Variants in AK9 observed in about 807,000 individuals in gnomAD.
AK9 encodes the protein adenylate kinase 9.
Under a neutral mutation model 239.6 loss-of-function variants are expected in AK9, and 191 were observed. That is an observed-to-expected ratio of 0.80 (90% confidence interval 0.71 to 0.90). The LOEUF (loss-of-function observed/expected upper bound fraction) is 0.90, where lower values mean the gene tolerates loss of function less well. Ranked by LOEUF, AK9 falls within the 40% of genes least tolerant of loss-of-function variation. AK9 has a pLI of 0.00. For missense variants in AK9, 1,995 were observed against 2,214.7 expected (o/e 0.90, Z 1.99); for synonymous variants, 689 against 721.0 (o/e 0.96, Z 0.71).
chr6:109,648,556 C>G (rs1798424456), intron 8 of AK9, among the ~76,000 whole-genome samples: 1 of 152,196 alleles, frequency 6.6e-6, no homozygotes, highest in South Asian at 2.1e-4. Flanking sequence ...AGTTGAATCT[C>G]TGAATAGACC....
At chr6:109,580,712 T>C (rs1758290975) in intron 19 of AK9, among the ~76,000 whole-genome samples, 1 of 152,132 alleles carries the variant, frequency 6.6e-6, no homozygotes, top group Admixed American at 6.5e-5. Context: ...CTCACTGCAT[T>C]CCAAATCCTG....
intron 10 of AK9, among the ~76,000 whole-genome samples, chr6:109,639,125 T>A (rs750387902): frequency 9.2e-5 from 14 of 152,226 alleles, no homozygotes; most frequent in Non-Finnish European, 1.9e-4. Context: ...CGTGCATGTG[T>A]CCTTATAGTA....
At chr6:109,538,894 G>A (rs886150683) in intron 27 of AK9, among the ~76,000 whole-genome samples, 1 of 152,130 alleles carries the variant, frequency 6.6e-6, no homozygotes, top group African/African-American at 2.4e-5. Flanking sequence ...GAAATTCTGG[G>A]TTGAAAATTC....
rs59391584 is a variant in AK9 at position 109,637,869 on chromosome 6, A to G, written c.933+3649T>C. Among the ~76,000 whole-genome samples the G allele has an allele frequency of 4.4e-3, 675 of 152,310 alleles. 4 individuals are homozygous for G. The highest frequency in any genetic ancestry group is 0.015 in the African/African-American group (620 of 41,578). On this transcript the variant is annotated intron_variant, in intron 10 of 40. Coordinates refer to ENST00000424296, the MANE Select transcript of AK9 (RefSeq NM_001145128.3). The stretch of plus-strand genomic sequence containing the variant: ...GTTAAAGCAGTGGTTCTCAGACTTA[A>G]GTGGGCATAGGAATTTGTTCTAGAT...
At chr6:109,561,199 G>A (rs956464282) in intron 24 of AK9, among the ~76,000 whole-genome samples, 2 of 152,118 alleles carry the variant, frequency 1.3e-5, no homozygotes, top group Non-Finnish European at 2.9e-5. Context: ...TGATCCGCCT[G>A]CCTCGGCTTC....
chr6:109,654,381 C>T (rs539430417), intron 8 of AK9, among the ~76,000 whole-genome samples: 17 of 151,850 alleles, frequency 1.1e-4, no homozygotes, highest in African/African-American at 3.6e-4. Flanking sequence ...CTCTGTCATC[C>T]AGGTTGGAGG....
chr6:109,527,395 A>G (rs1441407672), intron 29 of AK9, among the ~76,000 whole-genome samples: 1 of 152,222 alleles, frequency 6.6e-6, no homozygotes, highest in African/African-American at 2.4e-5. Flanking sequence ...ACAGAACTGC[A>G]TATTCTGCAT....
chr6:109,588,915 T>C (rs553994963), intron 17 of AK9, among the ~76,000 whole-genome samples: 1 of 152,304 alleles, frequency 6.6e-6, no homozygotes. Flanking sequence ...TGGTTCTCTA[T>C]TCTTTTCTAT....
chr6:109,638,842 C>T (rs774056613), intron 10 of AK9, among the ~76,000 whole-genome samples: 8 of 152,132 alleles, frequency 5.3e-5, no homozygotes, highest in Admixed American at 2.6e-4. Context: ...TGATGTTCCC[C>T]GCCCTGTGTC....
Position 109,653,685 on chromosome 6 carries a change from T to TC in AK9, c.759+3070dup, listed in dbSNP as rs1310510853. Among the ~76,000 whole-genome samples the TC allele has an allele frequency of 1.4e-4, 18 of 124,930 alleles. No individual in the cohort carries two copies. The East Asian group carries it at 4.4e-3, about 30-fold the overall frequency. The allele number at this position is 124,930 out of a possible 152,430, so 82.0% of individuals were successfully genotyped here. A position where few individuals can be genotyped will look rare whatever the true frequency, so the allele number is the denominator to read the frequency against. ...TTTCTTGTTTAGATTTTTTTTTTTTTCTCTCTCTTTCTTTTTTGTAGAGAC... is the reference window on the plus strand; with the variant it reads ...TTTCTTGTTTAGATTTTTTTTTTTTTCCTCTCTCTTTCTTTTTTGTAGAGAC... On this transcript the variant is annotated intron_variant, in intron 8 of 40. Coordinates refer to ENST00000424296, the MANE Select transcript of AK9 (RefSeq NM_001145128.3).
Position 109,495,406 on chromosome 6 carries a change from G to A in AK9, c.5350C>T (p.His1784Tyr), listed in dbSNP as rs995209639. ...PLKYWEQKLPHKLPPLREPIL... is the reference protein window; with the variant it reads ...PLKYWEQKLPYKLPPLREPIL... ...GGTTCCCTTAATGGGGGAAGCTTGT[G>A]TGGAAGCTTCTGTTCCCAGTATTTC... is the stretch of plus-strand genomic sequence containing the variant. Residue 1784 changes from histidine (H) to tyrosine (Y), a missense_variant, in exon 39 of 41, where the codon CAC becomes TAC. By Grantham distance (83) the His-to-Tyr change is moderately conservative. Around this residue, in one of 5 missense-constraint regions of AK9, gnomAD observed 391 missense variants for 456.0 expected, o/e 0.86. Transcript: ENST00000424296. 5 of 1,613,580 alleles carry A rather than the reference G, an allele frequency of 3.1e-6. No individual in the cohort carries two copies. Among genetic ancestry groups the A allele is most frequent in the Non-Finnish European group, 4.2e-6 (5 of 1,179,918 alleles).
At chr6:109,663,955 G>A (rs899876301) in intron 5 of AK9, among the ~76,000 whole-genome samples, 1 of 152,074 alleles carries the variant, frequency 6.6e-6, no homozygotes, top group Non-Finnish European at 1.5e-5. Flanking sequence ...GTATTTCAGC[G>A]AAAGCAATAT....
intron 8 of AK9, among the ~76,000 whole-genome samples, chr6:109,649,976 C>A (rs908380598): frequency 7.2e-5 from 11 of 152,088 alleles, no homozygotes; most frequent in African/African-American, 2.4e-4. Context: ...CAAAAACAAG[C>A]AATGGGGAAA....
intron 8 of AK9, among the ~76,000 whole-genome samples, chr6:109,646,758 G>C (rs915925364): frequency 6.6e-6 from 1 of 152,126 alleles, no homozygotes; most frequent in Non-Finnish European, 1.5e-5. Context: ...GATACTCCTT[G>C]AGAAGAGCAA....
chr6:109,657,117 C>T (rs1263329626), intron 7 of AK9, among the ~76,000 whole-genome samples: 1 of 152,012 alleles, frequency 6.6e-6, no homozygotes, highest in Non-Finnish European at 1.5e-5. Flanking sequence ...TGTTTGTTCC[C>T]CAATAAGTAG....
chr6:109,539,096 T>A (rs1380982323), intron 27 of AK9, among the ~76,000 whole-genome samples: 2 of 152,188 alleles, frequency 1.3e-5, no homozygotes, highest in Non-Finnish European at 2.9e-5. Context: ...GAGTTGCTCT[T>A]CTCGAGGAGT....
At chr6:109,664,478 G>A (rs1160497061) in intron 5 of AK9, among the ~76,000 whole-genome samples, 1 of 151,958 alleles carries the variant, frequency 6.6e-6, no homozygotes, top group Non-Finnish European at 1.5e-5. Flanking sequence ...AGGCTGGAGG[G>A]CAGTGGTGTG....
chr6:109,496,447 T>C (rs1777047663), intron 38 of AK9, among the ~76,000 whole-genome samples: 1 of 152,224 alleles, frequency 6.6e-6, no homozygotes, highest in Non-Finnish European at 1.5e-5. Context: ...AGTCACGTCC[T>C]CTCACATCAC....
intron 5 of AK9, among the ~76,000 whole-genome samples, chr6:109,665,789 A>G (rs966032731): frequency 6.6e-6 from 1 of 152,214 alleles, no homozygotes; most frequent in Non-Finnish European, 1.5e-5. Context: ...CAAAAGCAAC[A>G]GTATCTCCCT....
Sources: gnomAD v4.1 joint callset for allele counts (sites outside exome capture counted in the v4.1 genomes callset) on GRCh38, gnomAD v4.1.1 for gene constraint, gnomAD v4.1.1 regional missense constraint, MANE v1.5 for transcripts, NCBI Gene and HGNC (gene_info 2026-07-23, HGNC 2026-07-21) for gene names.